KCTD16: variants seen among roughly 807,000 people sequenced by gnomAD.
KCTD16 encodes the protein potassium channel tetramerization domain containing 16.
KCTD16 carries 13 observed loss-of-function variants against 33.2 expected under a neutral mutation model. The observed-to-expected ratio is 0.39, with a 90% confidence interval of 0.25 to 0.62. The LOEUF (loss-of-function observed/expected upper bound fraction) is 0.62. Ranked by LOEUF, KCTD16 falls within the 20% of genes least tolerant of loss-of-function variation. The pLI is 0.50. For synonymous variants in KCTD16, 197 were observed against 195.3 expected (o/e 1.01, Z -0.07); for missense variants, 441 against 525.1 (o/e 0.84, Z 1.57).
chr5:144,272,071 A>G (rs759292076), intron 3 of KCTD16, among the ~76,000 whole-genome samples: 2 of 152,188 alleles, frequency 1.3e-5, no homozygotes, highest in African/African-American at 2.4e-5. Flanking sequence ...ATATATTAAG[A>G]TGCCAATATT....
intron 3 of KCTD16, among the ~76,000 whole-genome samples, chr5:144,251,546 A>G (rs1033623669): frequency 6.6e-6 from 1 of 152,204 alleles, no homozygotes; most frequent in Non-Finnish European, 1.5e-5. Context: ...ATGCTATTAT[A>G]TAACTAAAAT....
chr5:144,310,611 G>T (rs1751739621), intron 3 of KCTD16, among the ~76,000 whole-genome samples: 1 of 150,802 alleles, frequency 6.6e-6, no homozygotes, highest in Non-Finnish European at 1.5e-5. Flanking sequence ...TATATTTTTT[G>T]ATCAATAATA....
chr5:144,200,723 G>C (rs936749406), intron 2 of KCTD16, among the ~76,000 whole-genome samples: 6 of 152,166 alleles, frequency 3.9e-5, no homozygotes, highest in African/African-American at 1.4e-4. Context: ...ATAAAAGGCA[G>C]TGCCCAAGAA....
At chr5:144,397,742 C>T (rs1752606970) in intron 3 of KCTD16, among the ~76,000 whole-genome samples, 2 of 152,054 alleles carry the variant, frequency 1.3e-5, no homozygotes, top group Admixed American at 1.3e-4. Flanking sequence ...CAATCCTAAG[C>T]CAAAAGAACG....
intron 3 of KCTD16, chr5:144,377,749 TA>T (rs1752124786): frequency 6.6e-6 from 1 of 152,188 alleles, no homozygotes; most frequent in Non-Finnish European, 1.5e-5. Context: ...TCAGGTTCAC[TA>T]AGTTCTCAGA....
chr5:144,418,729 A>G (rs1269502884), intron 3 of KCTD16, among the ~76,000 whole-genome samples: 2 of 152,198 alleles, frequency 1.3e-5, no homozygotes, highest in African/African-American at 4.8e-5. Context: ...TGTGGAAGTT[A>G]TGCCTGAGAT....
At chr5:144,458,120 T>C (rs988408480) in intron 3 of KCTD16, among the ~76,000 whole-genome samples, 9 of 152,186 alleles carry the variant, frequency 5.9e-5, no homozygotes, top group African/African-American at 2.2e-4. Context: ...CTGGTAACAA[T>C]GACAAATTTA....
chr5:144,340,780 TGGCTCATGC>T (rs1752613902), intron 3 of KCTD16, among the ~76,000 whole-genome samples: 1 of 152,040 alleles, frequency 6.6e-6, no homozygotes, highest in African/African-American at 2.4e-5. Context: ...CCAGGTGCGG[TGGCTCATGC>T]CTGTAATCCC....
chr5:144,364,802 TC>T (rs1346628910), intron 3 of KCTD16, among the ~76,000 whole-genome samples: 1 of 152,220 alleles, frequency 6.6e-6, no homozygotes, highest in East Asian at 1.9e-4. Context: ...GATGAATCTT[TC>T]ATTTGATAGG....
At chr5:144,202,078 A>G (rs1285562803) in intron 2 of KCTD16, among the ~76,000 whole-genome samples, 1 of 152,244 alleles carries the variant, frequency 6.6e-6, no homozygotes, top group African/African-American at 2.4e-5. Flanking sequence ...TTTACCTAAC[A>G]TACGTCTTGA....
intron 3 of KCTD16, among the ~76,000 whole-genome samples, chr5:144,309,641 G>A (rs1208676265): frequency 2.0e-5 from 3 of 152,138 alleles, no homozygotes; most frequent in Non-Finnish European, 2.9e-5. Context: ...ACAGATGGCA[G>A]AATAGACCTC....
intron 3 of KCTD16, among the ~76,000 whole-genome samples, chr5:144,264,738 C>G (rs1364430878): frequency 1.3e-5 from 2 of 152,172 alleles, no homozygotes; most frequent in Non-Finnish European, 2.9e-5. Context: ...TGCCACTGCA[C>G]TCCAGCCTGG....
chr5:144,209,062 C>T (rs1338181937), intron 3 of KCTD16, among the ~76,000 whole-genome samples: 3 of 152,140 alleles, frequency 2.0e-5, no homozygotes, highest in African/African-American at 7.2e-5. Context: ...CTTCTCCAAA[C>T]TTTTTGGAGA....
chr5:144,325,949 G>A (rs1396600276), intron 3 of KCTD16, among the ~76,000 whole-genome samples: 1 of 152,118 alleles, frequency 6.6e-6, no homozygotes, highest in Non-Finnish European at 1.5e-5. Flanking sequence ...ATGTAAATAT[G>A]TTACTATGTA....
intron 3 of KCTD16, among the ~76,000 whole-genome samples, chr5:144,353,431 C>A (rs1751492491): frequency 6.6e-6 from 1 of 152,204 alleles, no homozygotes; most frequent in Non-Finnish European, 1.5e-5. Context: ...ATTCCTACCA[C>A]TGCTTTAAAC....
chr5:144,439,912 GTTAAAATCCTTGATTAAAGAGAAAGT>G (rs1753663860), intron 3 of KCTD16, among the ~76,000 whole-genome samples: 1 of 150,942 alleles, frequency 6.6e-6, no homozygotes, highest in South Asian at 2.1e-4. Flanking sequence ...GTCTGTTCAT[GTTAAAATCCTTGATTAAAGAGAAAGT>G]TTTCATAATC....
intron 3 of KCTD16, among the ~76,000 whole-genome samples, chr5:144,390,634 T>C (rs1424981634): frequency 1.3e-5 from 2 of 152,088 alleles, no homozygotes; most frequent in African/African-American, 4.8e-5. Flanking sequence ...CCCTTCAACC[T>C]GTCATCTACA....
Position 144,353,929 on chromosome 5 carries a change from C to T in KCTD16, c.833-119731C>T, listed in dbSNP as rs183942779. ...TGCTGACAGGTATACATATCTTTTT[C>T]ATTTGAACTCACCCTCAATTCCAAG... On this transcript the variant is annotated intron_variant, in intron 3 of 3. Coordinates refer to ENST00000512467, the MANE Select transcript of KCTD16 (RefSeq NM_020768.4). Among the ~76,000 whole-genome samples, 78 of 151,936 alleles carry T rather than the reference C, an allele frequency of 5.1e-4. 1 individual carries two copies. The highest frequency in any genetic ancestry group is 3.4e-3 in the Middle Eastern group (1 of 294).
At chr5:144,383,293 C>G (rs767407733) in intron 3 of KCTD16, among the ~76,000 whole-genome samples, 1 of 152,192 alleles carries the variant, frequency 6.6e-6, no homozygotes, top group Non-Finnish European at 1.5e-5. Flanking sequence ...TCCTGTAGAG[C>G]TGACATTTCT....
Sources: allele counts gnomAD v4.1 joint callset (sites outside exome capture counted in the v4.1 genomes callset), GRCh38; gene constraint gnomAD v4.1.1; transcripts MANE v1.5; gene names NCBI Gene and HGNC (gene_info 2026-07-23, HGNC 2026-07-21).